APP: variants seen among roughly 807,000 people sequenced by gnomAD.
APP encodes the protein amyloid-beta precursor protein.
APP carries 31 observed loss-of-function variants against 101.4 expected under a neutral mutation model. That is an observed-to-expected ratio of 0.31 (90% confidence interval 0.23 to 0.41). The LOEUF is 0.41. Ranked by LOEUF, APP falls within the 10% of genes least tolerant of loss-of-function variation. The pLI is 1.00. For synonymous variants in APP, 366 were observed against 364.4 expected (o/e 1.00, Z -0.05); for missense variants, 839 against 1,003.7 (o/e 0.84, Z 2.22).
rs1304451899 is a variant in APP, at chr21:25,973,233, C to A, written c.1458+1837G>T. On this transcript the variant is annotated intron_variant, in intron 11 of 17. Coordinates refer to ENST00000346798, the MANE Select transcript of APP (RefSeq NM_000484.4). ...AAATAGCAAACAAATATCAAGATGA[C>A]AGATTCAGTGACAACCATATCCATA... Among the ~76,000 whole-genome samples the A allele has an allele frequency of 2.0e-5, 3 of 151,816 alleles. No individual in the cohort carries two copies. The East Asian group carries it at 5.8e-4, about 29-fold the overall frequency.
chr21:26,166,013 A>C (rs1412429073), intron 1 of APP, among the ~76,000 whole-genome samples: 1 of 152,188 alleles, frequency 6.6e-6, no homozygotes, highest in East Asian at 1.9e-4. Context: ...GCATAATAAT[A>C]ATCTATAACC....
At chr21:26,062,820 T>C (rs560613732) in intron 3 of APP, among the ~76,000 whole-genome samples, 44 of 152,272 alleles carry the variant, frequency 2.9e-4, no homozygotes, top group African/African-American at 1.0e-3. Context: ...TGGAGTGCAA[T>C]GGCACGATCA....
chr21:26,026,622 G>C (rs2044588357), intron 5 of APP, among the ~76,000 whole-genome samples: 1 of 152,162 alleles, frequency 6.6e-6, no homozygotes, highest in African/African-American at 2.4e-5. Context: ...TATTTTCTAA[G>C]AAAGCCATAT....
At chr21:25,938,067 C>G (rs758839272) in intron 13 of APP, among the ~76,000 whole-genome samples, 1 of 152,208 alleles carries the variant, frequency 6.6e-6, no homozygotes, top group African/African-American at 2.4e-5. Context: ...AGCCACCATG[C>G]CTGGCCTTTT....
chr21:26,023,153 T>C (rs921342126), intron 5 of APP, among the ~76,000 whole-genome samples: 1 of 152,170 alleles, frequency 6.6e-6, no homozygotes, highest in Non-Finnish European at 1.5e-5. Flanking sequence ...ACTAACTGCT[T>C]ATGTTTTGTA....
chr21:25,911,670 C>T, intron 14 of APP, 71 bp downstream of exon 14: 1 of 1,367,096 alleles, frequency 7.3e-7, no homozygotes, highest in Non-Finnish European at 1.0e-6. Context: ...ATAACTCTCT[C>T]TCTTGCACAC....
intron 3 of APP, among the ~76,000 whole-genome samples, chr21:26,088,341 C>T (rs1030634671): frequency 6.6e-6 from 1 of 152,142 alleles, no homozygotes; most frequent in Non-Finnish European, 1.5e-5. Context: ...GCAGAAAAAT[C>T]TATGTAAAAT....
chr21:25,950,653 T>C (rs1007110255), intron 13 of APP, among the ~76,000 whole-genome samples: 2 of 152,078 alleles, frequency 1.3e-5, no homozygotes, highest in East Asian at 1.9e-4. Context: ...CTGTTTTTTT[T>C]GTTTTGTCTT....
At chr21:26,125,707 C>A (rs1392250914) in intron 1 of APP, among the ~76,000 whole-genome samples, 1 of 152,208 alleles carries the variant, frequency 6.6e-6, no homozygotes, top group Non-Finnish European at 1.5e-5. Context: ...AAAACAATCA[C>A]TACCTCCCTG....
intron 13 of APP, among the ~76,000 whole-genome samples, chr21:25,916,091 G>C (rs1037800362): frequency 6.6e-6 from 1 of 151,972 alleles, no homozygotes; most frequent in Non-Finnish European, 1.5e-5. Context: ...ACGAACCTCT[G>C]CCTCCTGGGT....
At chr21:25,927,278 A>G (rs1332894410) in intron 13 of APP, among the ~76,000 whole-genome samples, 1 of 152,086 alleles carries the variant, frequency 6.6e-6, no homozygotes, top group East Asian at 1.9e-4. Context: ...TTCCTCCCAG[A>G]ACACTCTCCC....
chr21:26,054,201 G>A (rs2045946918), intron 3 of APP, among the ~76,000 whole-genome samples: 1 of 152,182 alleles, frequency 6.6e-6, no homozygotes, highest in African/African-American at 2.4e-5. Flanking sequence ...CTTGGGTGCA[G>A]TGGGAAAAAC....
intron 6 of APP, among the ~76,000 whole-genome samples, chr21:26,020,504 T>C (rs1201964898): frequency 1.3e-5 from 2 of 152,128 alleles, no homozygotes; most frequent in Non-Finnish European, 2.9e-5. Flanking sequence ...TGAATATAGT[T>C]GAGGGAGACA....
intron 13 of APP, among the ~76,000 whole-genome samples, chr21:25,951,572 A>AATTTAGTATG (rs2041077089): frequency 1.3e-5 from 2 of 152,314 alleles, no homozygotes; most frequent in African/African-American, 4.8e-5. Flanking sequence ...TTTGTACTGA[A>AATTTAGTATG]CTGACTCCAA....
intron 2 of APP, among the ~76,000 whole-genome samples, chr21:26,102,311 G>C (rs983357188): frequency 6.6e-6 from 1 of 151,828 alleles, no homozygotes; most frequent in South Asian, 2.1e-4. Flanking sequence ...GGATGGTCTC[G>C]ATCTCCTGAC....
chr21:25,909,326 A>AAT (rs1227322620), intron 14 of APP, among the ~76,000 whole-genome samples: 1 of 151,932 alleles, frequency 6.6e-6, no homozygotes, highest in Non-Finnish European at 1.5e-5. Flanking sequence ...TGCTATAATC[A>AAT]ATATATATAT....
rs564845550 is a variant in APP at position 25,936,230 on chromosome 21, ACT to A, written c.1687+18358_1687+18359del. ...GGTTAAATGAGGTCATGGGGGTGTG[ACT>A]CTGATCCAATAGGACAGGTGTCCTT... On this transcript the variant is annotated intron_variant, in intron 13 of 17. Transcript: ENST00000346798. Among the ~76,000 whole-genome samples, 579 of 152,062 alleles carry A rather than the reference ACT, an allele frequency of 3.8e-3. 4 individuals are homozygous for A. The highest frequency in any genetic ancestry group is 0.013 in the African/African-American group (552 of 41,474).
At chr21:25,993,132 A>G (rs1218626052) in intron 8 of APP, among the ~76,000 whole-genome samples, 1 of 152,130 alleles carries the variant, frequency 6.6e-6, no homozygotes, top group African/African-American at 2.4e-5. Flanking sequence ...TGGGGATGGA[A>G]CTTGGGGCCT....
chr21:26,064,622 G>A (rs1385604949), intron 3 of APP, among the ~76,000 whole-genome samples: 5 of 152,078 alleles, frequency 3.3e-5, no homozygotes, highest in East Asian at 1.9e-4. Flanking sequence ...CAGAGGAACC[G>A]CAGCCGCTTG....
Sources: gnomAD v4.1 joint callset for allele counts (sites outside exome capture counted in the v4.1 genomes callset) on GRCh38, gnomAD v4.1.1 for gene constraint, MANE v1.5 for transcripts, NCBI Gene and HGNC (gene_info 2026-07-23, HGNC 2026-07-21) for gene names.